Variants in ARMC3 observed in about 807,000 individuals in gnomAD.
ARMC3 encodes armadillo repeat-containing protein 3.
A neutral mutation model predicts 90.3 loss-of-function variants in ARMC3; 74 were observed. The ratio of observed to expected loss-of-function variants is 0.82; its 90% CI spans 0.68 to 0.99. The LOEUF is 0.99. Among genes scored for constraint, ARMC3 ranks in the 50% least tolerant of loss-of-function variants. ARMC3 has a pLI of 0.00. For missense variants in ARMC3, 958 were observed against 1,042.8 expected, an observed-to-expected ratio of 0.92 and a Z score of 1.12; for synonymous variants, 334 against 361.8, an observed-to-expected ratio of 0.92 and a Z score of 0.87.
chr10:23,000,422 T>C (rs1837226420), intron 11 of ARMC3, among the ~76,000 whole-genome samples: 1 of 152,154 alleles, frequency 6.6e-6, no homozygotes, highest in African/African-American at 2.4e-5. Context: ...ATTGCACCCC[T>C]TGTCTTCCTT....
intron 16 of ARMC3, among the ~76,000 whole-genome samples, chr10:23,024,580 C>T (rs1838641504): frequency 6.6e-6 from 1 of 152,118 alleles, no homozygotes; most frequent in Non-Finnish European, 1.5e-5. Context: ...GGTGAGGCTT[C>T]CATACTTTAC....
intron 16 of ARMC3, among the ~76,000 whole-genome samples, chr10:23,013,618 T>C (rs1838126389): frequency 6.6e-6 from 1 of 152,172 alleles, no homozygotes; most frequent in African/African-American, 2.4e-5. Flanking sequence ...AGTTTCATGG[T>C]GAGAACATTG....
chr10:23,022,313 T>A (rs889442977), intron 16 of ARMC3, among the ~76,000 whole-genome samples: 1 of 152,242 alleles, frequency 6.6e-6, no homozygotes, highest in African/African-American at 2.4e-5. Context: ...TCTTGAATTA[T>A]CTTTGTACCT....
rs746169187 is a variant in ARMC3, at chr10:23,003,213, A to C, written c.1563-33A>C. ...AGACTCAGTATTGGATGGCTTGTAT[A>C]AAGCAAATAATGCTTTTTGCTTTTA... On this transcript the variant is annotated intron_variant, in intron 12 of 18. Transcript: ENST00000298032. 7 of 1,593,840 alleles carry C rather than the reference A, an allele frequency of 4.4e-6. No individual in the cohort carries two copies. In the Admixed American group the frequency reaches 1.2e-4, roughly 27 times the overall value.
rs772895352 is a variant in ARMC3 at position 22,959,569 on chromosome 10, G to T, written c.532G>T (p.Val178Leu). ...KNSMECIYNL[V>L]QDFQCRAKLQ... Reference sequence around the variant, plus strand: ...CTCTATGGAATGCATTTACAACTTGGTGCAGGTAAGATTAATTTCTAAAAA... The same window carrying T: ...CTCTATGGAATGCATTTACAACTTGTTGCAGGTAAGATTAATTTCTAAAAA... Residue 178 changes from valine to leucine, a missense_variant, in exon 6 of 19, where the codon GTG becomes TTG. Transcript: ENST00000298032. 6.3e-7 allele frequency: 1 copy of T among 1,588,360 alleles called. No individual in the cohort carries two copies. Among genetic ancestry groups the T allele is most frequent in the Non-Finnish European group, 8.5e-7 (1 of 1,171,982 alleles).
intron 7 of ARMC3, among the ~76,000 whole-genome samples, chr10:22,963,922 CAAAAAAAAAAAAAAAAAAAA>C (rs35508443): frequency 8.5e-5 from 5 of 58,580 alleles, no homozygotes; most frequent in Non-Finnish European, 1.4e-4. Flanking sequence ...CACACACACA[CAAAAAAAAAAAAAAAAAAAA>C]AAAAAAAAGA....
In ARMC3 at chr10:22,998,333, T is replaced by A. The variant is rs1837101881; in HGVS notation, c.1361T>A (p.Val454Asp). Residue 454 changes from valine to aspartate, a missense_variant, in exon 11 of 19, where the codon GTC (valine) becomes GAC (aspartate). Coordinates refer to ENST00000298032, the MANE Select transcript of ARMC3 (RefSeq NM_173081.5). ...IISPLRSANT[V>D]VQSKAALAVT... is the part of the protein sequence containing the mutation. ...AGCCCACTGCGTTCTGCAAACACAG[T>A]CGTGCAGAGCAAAGCTGCTCTCGCT... 3 of 1,613,746 alleles carry A rather than the reference T, an allele frequency of 1.9e-6. No individual in the cohort carries two copies. The highest frequency in any genetic ancestry group is 2.7e-5 in the African/African-American group (2 of 74,940).
Position 23,020,373 on chromosome 10 carries a change from G to A in ARMC3, c.2046-10223G>A, listed in dbSNP as rs9943403. Among the ~76,000 whole-genome samples, 338 of 152,274 alleles carry A rather than the reference G, an allele frequency of 2.2e-3. 3 individuals carry two copies. The highest frequency in any genetic ancestry group is 7.7e-3 in the African/African-American group (321 of 41,558). On this transcript the variant is annotated intron_variant, in intron 16 of 18. Coordinates refer to ENST00000298032, the MANE Select transcript of ARMC3 (RefSeq NM_173081.5). ...TGGTCTCGAACTCCTGACCTCAAGT[G>A]ATCCACTCGCCTTGGACTCCCAAAG...
chr10:22,933,494 C>G (rs183204518), intron 2 of ARMC3, among the ~76,000 whole-genome samples: 1 of 152,264 alleles, frequency 6.6e-6, no homozygotes, highest in Admixed American at 6.5e-5. Flanking sequence ...GAAACACAGT[C>G]CTAGCATTAA....
At chr10:22,978,441 G>C (rs757107421) in intron 8 of ARMC3, among the ~76,000 whole-genome samples, 4 of 152,198 alleles carry the variant, frequency 2.6e-5, no homozygotes, top group African/African-American at 4.8e-5. Flanking sequence ...AACTGGCCTT[G>C]TGATTCAATT....
intron 8 of ARMC3, among the ~76,000 whole-genome samples, chr10:22,968,979 A>G (rs976107209): frequency 1.3e-5 from 2 of 152,226 alleles, no homozygotes; most frequent in Admixed American, 1.3e-4. Flanking sequence ...AGAACTCAAT[A>G]TGATTTCATT....
chr10:23,025,520 A>C (rs534927605), intron 16 of ARMC3, among the ~76,000 whole-genome samples: 12 of 152,060 alleles, frequency 7.9e-5, no homozygotes, highest in African/African-American at 2.6e-4. Context: ...AGGACATCTC[A>C]AAAAAAATTA....
At chr10:23,021,237 C>T (rs375367795) in intron 16 of ARMC3, among the ~76,000 whole-genome samples, 12 of 152,186 alleles carry the variant, frequency 7.9e-5, no homozygotes, top group South Asian at 2.1e-4. Flanking sequence ...AGGTAGATGC[C>T]GTGTATTTGC....
chr10:23,007,565 C>T (rs369190310), intron 14 of ARMC3, among the ~76,000 whole-genome samples: 14 of 151,906 alleles, frequency 9.2e-5, no homozygotes, highest in South Asian at 2.1e-4. Context: ...GGTGTGGTGG[C>T]GCACGCCTGT....
intron 3 of ARMC3, among the ~76,000 whole-genome samples, chr10:22,948,721 G>T (rs1458449467): frequency 6.6e-6 from 1 of 152,042 alleles, no homozygotes; most frequent in Non-Finnish European, 1.5e-5. Flanking sequence ...GAGCTTTTTG[G>T]CCATAGCACT....
intron 16 of ARMC3, among the ~76,000 whole-genome samples, chr10:23,010,912 CTTCTT>C (rs751082311): frequency 0.7 from 28,642 of 40,784 alleles, 11,551 homozygotes; most frequent in Non-Finnish European, 0.81. Flanking sequence ...TCCTTCCCCT[CTTCTT>C]CCCTTCCCTC....
At chr10:22,992,653 A>G (rs1836762032) in intron 10 of ARMC3, among the ~76,000 whole-genome samples, 1 of 152,200 alleles carries the variant, frequency 6.6e-6, no homozygotes, top group African/African-American at 2.4e-5. Context: ...TTAGGGGCAC[A>G]TATACTAGCG....
intron 2 of ARMC3, among the ~76,000 whole-genome samples, chr10:22,934,836 G>C (rs1453118205): frequency 6.6e-6 from 1 of 152,138 alleles, no homozygotes; most frequent in Non-Finnish European, 1.5e-5. Context: ...AGTTGAGGGT[G>C]CTGTTCATCA....
intron 18 of ARMC3, among the ~76,000 whole-genome samples, chr10:23,034,454 A>G (rs1281826866): frequency 5.9e-5 from 9 of 152,216 alleles, no homozygotes; most frequent in Admixed American, 5.9e-4. Context: ...TTTAAAGGTG[A>G]GCAAACTGAT....
Sources: allele counts gnomAD v4.1 joint callset (sites outside exome capture counted in the v4.1 genomes callset), GRCh38; gene constraint gnomAD v4.1.1; transcripts MANE v1.5; gene names NCBI Gene and HGNC (gene_info 2026-07-23, HGNC 2026-07-21).